Variants in ANTXR2 observed in about 807,000 individuals in gnomAD.
The protein encoded by ANTXR2 is ANTXR cell adhesion molecule 2, also known as anthrax toxin receptor 2.
Under a neutral mutation model 73.7 loss-of-function variants are expected in ANTXR2, and 44 were observed. The observed-to-expected ratio is 0.60, with a 90% CI of 0.47 to 0.77. The LOEUF is 0.77. Ranked by LOEUF, ANTXR2 falls within the 30% of genes least tolerant of loss-of-function variation. The pLI is 0.00. For missense variants in ANTXR2, 604 were observed against 592.5 expected (o/e 1.02, Z -0.20); for synonymous variants, 217 against 205.9 (o/e 1.05, Z -0.46).
At chr4:79,955,301 G>T (rs975882421) in intron 16 of ANTXR2, among the ~76,000 whole-genome samples, 1 of 152,062 alleles carries the variant, frequency 6.6e-6, no homozygotes, top group Non-Finnish European at 1.5e-5. Context: ...AGTGTAACCA[G>T]TAGCAAGATA....
At chr4:80,018,856 A>G in intron 11 of ANTXR2, 42 bp downstream of exon 11, 1 of 1,350,298 alleles carries the variant, frequency 7.4e-7, no homozygotes, top group Non-Finnish European at 1.0e-6. Flanking sequence ...TTCTGGATGG[A>G]ATTGCTTTTA....
At chr4:79,923,499 A>G (rs1727666320) in intron 16 of ANTXR2, among the ~76,000 whole-genome samples, 1 of 152,098 alleles carries the variant, frequency 6.6e-6, no homozygotes, top group South Asian at 2.1e-4. Context: ...ACAAGTAGGC[A>G]TCGGAGAGGA....
chr4:79,991,536 G>A (rs367592178), intron 12 of ANTXR2, among the ~76,000 whole-genome samples: 3 of 152,064 alleles, frequency 2.0e-5, no homozygotes, highest in East Asian at 1.9e-4. Context: ...ATTGTGGAAA[G>A]CAGTTTGAAG....
chr4:79,953,917 TTA>T (rs1168324880), intron 16 of ANTXR2, among the ~76,000 whole-genome samples: 1 of 152,166 alleles, frequency 6.6e-6, no homozygotes, highest in African/African-American at 2.4e-5. Context: ...TACTTCTCAT[TTA>T]TATGTTGGCC....
chr4:79,931,511 C>A (rs1728057491), intron 16 of ANTXR2, among the ~76,000 whole-genome samples: 1 of 151,854 alleles, frequency 6.6e-6, no homozygotes, highest in African/African-American at 2.4e-5. Context: ...CACCCCCACT[C>A]CAACTTCCAG....
At chr4:80,066,954 T>C (rs759847675) in intron 3 of ANTXR2, among the ~76,000 whole-genome samples, 4 of 151,852 alleles carry the variant, frequency 2.6e-5, no homozygotes, top group African/African-American at 7.3e-5. Context: ...TCCTAGCACT[T>C]TGGGAGGCCG....
At chr4:80,055,518 C>G (rs1405873373) in intron 4 of ANTXR2, 51 bp from the exon 5 acceptor site, 2 of 1,417,858 alleles carry the variant, frequency 1.4e-6, no homozygotes, top group Admixed American at 1.9e-5. Flanking sequence ...TAACTTTTAA[C>G]CAGCATGTTC....
At chr4:80,047,952 C>G (rs779460004) in intron 7 of ANTXR2, among the ~76,000 whole-genome samples, 4 of 151,478 alleles carry the variant, frequency 2.6e-5, no homozygotes, top group Admixed American at 6.6e-5. Flanking sequence ...AGTCTTAATA[C>G]AGTGAAACAT....
At chr4:80,043,569 T>C (rs1416234217) in intron 7 of ANTXR2, among the ~76,000 whole-genome samples, 1 of 152,064 alleles carries the variant, frequency 6.6e-6, no homozygotes, top group African/African-American at 2.4e-5. Flanking sequence ...ATGCATTATT[T>C]ATACAGTTCA....
chr4:80,039,892 G>A (rs1338815777), intron 7 of ANTXR2, among the ~76,000 whole-genome samples: 1 of 152,050 alleles, frequency 6.6e-6, no homozygotes, highest in Non-Finnish European at 1.5e-5. Context: ...TGGACTGGAT[G>A]AAGAAAATGT....
Position 80,036,034 on chromosome 4 carries a change from T to TAA in ANTXR2, c.637-4_637-3dup. On this transcript the variant is annotated splice_region_variant and splice_polypyrimidine_tract_variant and intron_variant, in intron 7 of 16. Transcript: ENST00000403729. ...TTCAGTACATGACTGAGCTAGTATC[T>TAA]AAAAAAGAAAAAAAAAAAAGATTAC... The TAA allele has an allele frequency of 1.3e-6, 2 of 1,483,488 alleles. No individual in the cohort carries two copies. Among genetic ancestry groups the TAA allele is most frequent in the East Asian group, 2.6e-5 (1 of 37,992 alleles). 91.9% of individuals were successfully genotyped at this position (1,483,488 alleles called of 1,614,324 possible). A position where few individuals can be genotyped will look rare whatever the true frequency, so the allele number is the denominator to read the frequency against.
intron 16 of ANTXR2, among the ~76,000 whole-genome samples, chr4:79,927,040 T>G (rs1578089543): frequency 9.3e-6 from 1 of 107,938 alleles, no homozygotes; most frequent in Non-Finnish European, 2.1e-5. Flanking sequence ...TATGTGTGTA[T>G]ATATATGTGC....
chr4:80,055,317 A>T (rs147786094), intron 5 of ANTXR2, 43 bp downstream of exon 5: 1 of 1,570,916 alleles, frequency 6.4e-7, no homozygotes, highest in Non-Finnish European at 8.7e-7. Flanking sequence ...ACACACAGCG[A>T]TGTACAGTGG....
At chr4:80,034,631 T>A (rs1386443766) in intron 8 of ANTXR2, among the ~76,000 whole-genome samples, 2 of 152,190 alleles carry the variant, frequency 1.3e-5, no homozygotes, top group Non-Finnish European at 2.9e-5. Context: ...TTTCTTAATG[T>A]AGGCATTGAC....
chr4:79,952,877 G>C (rs1728756618), intron 16 of ANTXR2, among the ~76,000 whole-genome samples: 1 of 151,632 alleles, frequency 6.6e-6, no homozygotes, highest in South Asian at 2.1e-4. Context: ...GATGCCCTAG[G>C]AATAAAGGAA....
chr4:80,052,864 T>C (rs1197777885), intron 7 of ANTXR2, among the ~76,000 whole-genome samples: 2 of 151,594 alleles, frequency 1.3e-5, no homozygotes, highest in Admixed American at 6.6e-5. Flanking sequence ...AACGATGTCA[T>C]CTGGAACTCA....
intron 7 of ANTXR2, among the ~76,000 whole-genome samples, chr4:80,036,760 C>A (rs945318985): frequency 6.6e-6 from 1 of 152,050 alleles, no homozygotes; most frequent in South Asian, 2.1e-4. Flanking sequence ...TTCACTCCAG[C>A]CTGGACGACA....
chr4:79,981,616 A>G (rs1729894369), intron 14 of ANTXR2, among the ~76,000 whole-genome samples: 1 of 152,160 alleles, frequency 6.6e-6, no homozygotes, highest in African/African-American at 2.4e-5. Context: ...CATATTAAGT[A>G]TGTGCAAATG....
chr4:80,033,275 G>T (rs1411545468), intron 9 of ANTXR2, among the ~76,000 whole-genome samples, 197 bp downstream of exon 9: 1 of 151,894 alleles, frequency 6.6e-6, no homozygotes, highest in South Asian at 2.1e-4. Flanking sequence ...CATTTATTAA[G>T]TTATAAACAA....
Sources: allele counts gnomAD v4.1 joint callset (sites outside exome capture counted in the v4.1 genomes callset), GRCh38; gene constraint gnomAD v4.1.1; transcripts MANE v1.5; gene names NCBI Gene and HGNC (gene_info 2026-07-23, HGNC 2026-07-21).